Variants in KLHL35 observed in about 807,000 individuals in gnomAD.
The protein encoded by KLHL35 is kelch-like protein 35.
Under a neutral mutation model 44.0 loss-of-function variants are expected in KLHL35, and 50 were observed. That is an observed-to-expected ratio of 1.14 (90% CI 0.91 to 1.44). The LOEUF (loss-of-function observed/expected upper bound fraction) is 1.44, where lower values mean the gene tolerates loss of function less well. Among genes scored for constraint, KLHL35 ranks in the 40% most tolerant of loss-of-function variants. The pLI is 0.00. For synonymous variants in KLHL35, 470 were observed against 410.4 expected (o/e 1.15, Z -1.76); for missense variants, 1,049 against 887.8 (o/e 1.18, Z -2.31).
At chr11:75,425,658 AG>A (rs1776019280) in intron 4 of KLHL35, 77 bp from the exon 5 acceptor site, 3 of 1,263,620 alleles carry the variant, frequency 2.4e-6, no homozygotes, top group Non-Finnish European at 3.1e-6. Context: ...CAGTCCTTAC[AG>A]TCTTTGAGCT....
chr11:75,425,439 A>G lies in KLHL35; in HGVS notation c.1328T>C (p.Leu443Pro). The G allele has an allele frequency of 6.4e-7, 1 of 1,571,644 alleles. No homozygotes were observed. The change falls in exon 5 of 7, where the codon CTC (leucine) becomes CCC (proline). Residue 443 changes from leucine to proline, a missense_variant. By Grantham distance (98) the Leu-to-Pro change is moderately conservative (BLOSUM62 -3). Transcript: ENST00000539798. The stretch of plus-strand genomic sequence containing the variant: ...CTGCCTGGCGCCCCCAATCACGAAG[A>G]GCTTGCCCGCGCAGGACGCCACCGC... ...SAAVASCAGK[L>P]FVIGGARQGG...
chr11:75,422,609 C>G lies in KLHL35; in HGVS notation c.1723G>C (p.Val575Leu). The G allele has an allele frequency of 6.2e-7, 1 of 1,613,626 alleles. No homozygotes were observed. Among genetic ancestry groups the G allele is most frequent in the Non-Finnish European group, 8.5e-7 (1 of 1,179,628 alleles). ...LQRCTSSHGCVTIIQSLGR is the reference protein window; with the variant it reads ...LQRCTSSHGCLTIIQSLGR ...CTGCCCAAGCTCTGGATGATGGTGA[C>G]ACAGCCGTGGGAGCTGGTGCAGCGC... The change falls in exon 7 of 7, where the codon GTC (valine) becomes CTC (leucine). Residue 575 changes from valine (V) to leucine (L), a missense_variant. By Grantham distance (32) the Val-to-Leu change is conservative. Transcript: ENST00000539798.
chr11:75,425,890 C>A, intron 4 of KLHL35: 1 of 340,240 alleles, frequency 2.9e-6, no homozygotes, highest in Non-Finnish European at 5.3e-6. Context: ...CTTTACCACC[C>A]CACTTAATTG....
intron 1 of KLHL35, among the ~76,000 whole-genome samples, chr11:75,431,205 T>G (rs1174701446): frequency 6.6e-6 from 1 of 152,196 alleles, no homozygotes; most frequent in Non-Finnish European, 1.5e-5. Context: ...CACCGCCCTC[T>G]GCTCAATCCA....
intron 3 of KLHL35, 38 bp downstream of exon 3, chr11:75,428,404 C>T: frequency 1.2e-6 from 2 of 1,608,728 alleles, no homozygotes. Flanking sequence ...GGCTACTAGT[C>T]AATCCCGTGT....
chr11:75,432,869 C>A (rs1043793789), intron 1 of KLHL35, among the ~76,000 whole-genome samples, 174 bp downstream of exon 1: 69 of 152,096 alleles, frequency 4.5e-4, no homozygotes, highest in Admixed American at 4.5e-3. Context: ...ATTGAAGGGC[C>A]CAGCCTATAG....
Position 75,430,161 on chromosome 11 carries a change from C to CTA in KLHL35, c.467_468dup (p.Ala157Ter). ...AAGGCGGCGGCCACGCGGCGCAGCG[C>CTA]TAGGCTGTTGGCGGCGCGCAGGCGG... On this transcript the variant is annotated frameshift_variant, in exon 2 of 7. Coordinates refer to ENST00000539798, the MANE Select transcript of KLHL35 (RefSeq NM_001039548.3). LOFTEE classifies it high-confidence loss of function. The CTA allele has an allele frequency of 8.0e-7, 1 of 1,246,048 alleles. No individual in the cohort carries two copies. Among genetic ancestry groups the CTA allele is most frequent in the Non-Finnish European group, 1.0e-6 (1 of 996,170 alleles). The allele number at this position is 1,246,048 out of a possible 1,614,324, so 77.2% of individuals were successfully genotyped here. A position where few individuals can be genotyped will look rare whatever the true frequency, so the allele number is the denominator to read the frequency against.
intron 1 of KLHL35, among the ~76,000 whole-genome samples, 191 bp from the exon 2 acceptor site, chr11:75,430,821 A>G (rs763879384): frequency 6.6e-6 from 1 of 152,090 alleles, no homozygotes; most frequent in Non-Finnish European, 1.5e-5. Flanking sequence ...TGCCCTGCCT[A>G]CCCACTCAGA....
At position 75,425,538 on chromosome 11, in the gene KLHL35, C is replaced by A; in HGVS notation, c.1229G>T (p.Ser410Ile). The change falls in exon 5 of 7, where the codon AGC (serine) becomes ATC (isoleucine). Residue 410 changes from serine (S) to isoleucine (I), a missense_variant. Transcript: ENST00000539798. ...GGAGAAGGGGTCGTAGCGCTCCACG[C>A]TGTGCAGGCGCCTCAGGCCGTCGAA... The part of the protein sequence containing the change: ...GGFDGLRRLH[S>I]VERYDPFSNT... The A allele has an allele frequency of 6.5e-7, 1 of 1,528,438 alleles. No homozygotes were observed. 94.7% of individuals were successfully genotyped at this position (1,528,438 alleles called of 1,614,324 possible).
At chr11:75,431,273 C>T (rs554762802) in intron 1 of KLHL35, among the ~76,000 whole-genome samples, 9 of 152,340 alleles carry the variant, frequency 5.9e-5, no homozygotes, top group African/African-American at 2.2e-4. Context: ...CTGAGCACTC[C>T]CCTGACAGAC....
At position 75,422,394 on chromosome 11, in the gene KLHL35, T is replaced by C. The variant is rs546565823; in HGVS notation, c.*186A>G. The stretch of plus-strand genomic sequence containing the variant: ...CAAGAGTAAACACAGGGAGCAAATA[T>C]TAGACATTCCATCTCCAGGCAGGGC... On this transcript the variant is annotated 3_prime_UTR_variant, in exon 7 of 7. Transcript: ENST00000539798. The C allele has an allele frequency of 1.8e-5, 11 of 597,270 alleles. 1 individual carries two copies. The South Asian group carries it at 2.1e-4, about 12-fold the overall frequency. 37.0% of individuals were successfully genotyped at this position (597,270 alleles called of 1,614,324 possible).
rs1948521887 is a variant in KLHL35, at chr11:75,430,094, C to G, written c.536G>C (p.Arg179Pro). 1.5e-6 allele frequency: 2 copies of G among 1,343,208 alleles called. No individual in the cohort carries two copies. 83.2% of individuals were successfully genotyped at this position (1,343,208 alleles called of 1,614,324 possible). The stretch of plus-strand genomic sequence containing the variant: ...GCGCGCCACCTCGGCGAAGGCCTGA[C>G]GCAGGACGCGGCCGCAGCGCTCGGC... ...PLAERCGRVL[R>P]QAFAEVARHA... Residue 179 changes from arginine to proline, a missense_variant, in exon 2 of 7, where the codon CGT becomes CCT. Physicochemically the swap from Arg to Pro is moderately radical, Grantham distance 103. Coordinates refer to ENST00000539798, the MANE Select transcript of KLHL35 (RefSeq NM_001039548.3).
intron 5 of KLHL35, among the ~76,000 whole-genome samples, 157 bp downstream of exon 5, chr11:75,425,236 T>C (rs1011201532): frequency 3.9e-5 from 6 of 152,236 alleles, no homozygotes; most frequent in Non-Finnish European, 8.8e-5. Flanking sequence ...ATTTTTCTGC[T>C]CATTTCCTTC....
Position 75,429,851 on chromosome 11 carries a change from T to A in KLHL35, c.779A>T (p.Glu260Val). 1 of 1,515,212 alleles carries A rather than the reference T, an allele frequency of 6.6e-7. No individual in the cohort carries two copies. The highest frequency in any genetic ancestry group is 8.8e-7 in the Non-Finnish European group (1 of 1,140,538). The allele number at this position is 1,515,212 out of a possible 1,614,324, so 93.9% of individuals were successfully genotyped here. The change falls in exon 2 of 7, where the codon GAG becomes GTG. Residue 260 changes from glutamate (E) to valine (V), a missense_variant. Glu to Val is a moderately radical substitution (Grantham distance 121, BLOSUM62 -2). Transcript: ENST00000539798. ...GCACTCGCCGCAGGCCTGCAGCAGCTCGTCCGCCTCCACCTTCTCCAGGAA... is the reference window on the plus strand; with the variant it reads ...GCACTCGCCGCAGGCCTGCAGCAGCACGTCCGCCTCCACCTTCTCCAGGAA... The part of the protein sequence containing the change: ...AYFLEKVEAD[E>V]LLQACGECRP...
At chr11:75,430,765 C>A in intron 1 of KLHL35, 135 bp from the exon 2 acceptor site, 1 of 777,702 alleles carries the variant, frequency 1.3e-6, no homozygotes, top group Non-Finnish European at 1.8e-6. Context: ...CATCCAGGTT[C>A]CTTACGGCTA....
chr11:75,425,369 C>A, intron 5 of KLHL35, 24 bp downstream of exon 5: 6 of 1,517,090 alleles, frequency 4.0e-6, no homozygotes, highest in Non-Finnish European at 5.3e-6. Context: ...TCAACGCCCT[C>A]TCGCGCCTGA....
In KLHL35 at chr11:75,423,886, G is replaced by A. The variant is rs369746813; in HGVS notation, c.1375-6C>T. ...TTGGGGTCAAAGCACTGCACCTGAG[G>A]GGCAAGAGCAGCAGTGGTGAAGACT... On this transcript the variant is annotated splice_region_variant and splice_polypyrimidine_tract_variant and intron_variant, in intron 5 of 6. Coordinates refer to ENST00000539798, the MANE Select transcript of KLHL35 (RefSeq NM_001039548.3). 7.5e-6 allele frequency: 12 copies of A among 1,608,752 alleles called. No individual in the cohort carries two copies. Among genetic ancestry groups the A allele is most frequent in the Non-Finnish European group, 1.0e-5 (12 of 1,176,846 alleles).
At chr11:75,428,142 G>A (rs1948505571) in intron 3 of KLHL35, among the ~76,000 whole-genome samples, 1 of 152,222 alleles carries the variant, frequency 6.6e-6, no homozygotes, top group African/African-American at 2.4e-5. Flanking sequence ...ACGAATGTAA[G>A]CTTCTTAGCA....
intron 3 of KLHL35, among the ~76,000 whole-genome samples, chr11:75,428,203 G>C (rs1469689422): frequency 1.3e-5 from 2 of 152,206 alleles, no homozygotes; most frequent in Admixed American, 1.3e-4. Context: ...ATACTAATAC[G>C]AATTGACTTC....
Sources: gnomAD v4.1 joint callset for allele counts (sites outside exome capture counted in the v4.1 genomes callset) on GRCh38, gnomAD v4.1.1 for gene constraint, MANE v1.5 for transcripts, NCBI Gene and HGNC (gene_info 2026-07-23, HGNC 2026-07-21) for gene names.